FGGY: variants seen among roughly 807,000 people sequenced by gnomAD.
FGGY encodes the protein FGGY carbohydrate kinase domain-containing protein.
Under a neutral mutation model 71.3 loss-of-function variants are expected in FGGY, and 72 were observed. The ratio of observed to expected loss-of-function variants is 1.01; its 90% CI spans 0.84 to 1.23. FGGY has a LOEUF of 1.23. Among genes scored for constraint, FGGY ranks in the 50% most tolerant of loss-of-function variants. FGGY has a pLI of 0.00. For synonymous variants in FGGY, 251 were observed against 250.3 expected (o/e 1.00, Z -0.02); for missense variants, 668 against 682.3 (o/e 0.98, Z 0.23).
chr1:59,478,582 A>G (rs1206840512), intron 6 of FGGY, among the ~76,000 whole-genome samples: 2 of 152,252 alleles, frequency 1.3e-5, no homozygotes, highest in African/African-American at 2.4e-5. Context: ...TACAGATACA[A>G]TATGTTTCAG....
At chr1:59,462,325 T>C (rs886544755) in intron 6 of FGGY, among the ~76,000 whole-genome samples, 3 of 152,176 alleles carry the variant, frequency 2.0e-5, no homozygotes, top group African/African-American at 7.2e-5. Flanking sequence ...GATTAAAGAC[T>C]TAACCGTTAG....
intron 5 of FGGY, among the ~76,000 whole-genome samples, chr1:59,410,645 T>A (rs2063477103): frequency 6.6e-6 from 1 of 152,128 alleles, no homozygotes; most frequent in Non-Finnish European, 1.5e-5. Flanking sequence ...TCTGGTTACA[T>A]GAAAGAGGAA....
chr1:59,557,355 A>G (rs1484005877), intron 8 of FGGY, among the ~76,000 whole-genome samples: 1 of 152,206 alleles, frequency 6.6e-6, no homozygotes, highest in Non-Finnish European at 1.5e-5. Context: ...CAAAATTCCC[A>G]GGAACGTTTT....
chr1:59,520,975 T>C (rs2094811464), intron 7 of FGGY, among the ~76,000 whole-genome samples: 1 of 147,612 alleles, frequency 6.8e-6, no homozygotes, highest in African/African-American at 2.5e-5. Context: ...AGGAGGGAGC[T>C]TGTCCAAAAT....
At chr1:59,608,844 A>T (rs1347030441) in intron 9 of FGGY, among the ~76,000 whole-genome samples, 2 of 152,214 alleles carry the variant, frequency 1.3e-5, no homozygotes, top group East Asian at 1.9e-4. Context: ...TCTTAAAAAA[A>T]AACCCCACAA....
chr1:59,487,302 T>C (rs1341337466), intron 6 of FGGY, among the ~76,000 whole-genome samples: 1 of 152,220 alleles, frequency 6.6e-6, no homozygotes, highest in East Asian at 1.9e-4. Flanking sequence ...CTATGTACAG[T>C]TGACTGTGTG....
chr1:59,631,828 G>T (rs868026668), intron 10 of FGGY, among the ~76,000 whole-genome samples: 4 of 152,146 alleles, frequency 2.6e-5, no homozygotes, highest in Non-Finnish European at 4.4e-5. Context: ...CATGTAACTG[G>T]TAACCAAAGT....
intron 11 of FGGY, among the ~76,000 whole-genome samples, chr1:59,659,834 C>G (rs1011794913): frequency 2.6e-5 from 4 of 152,178 alleles, no homozygotes; most frequent in Non-Finnish European, 5.9e-5. Context: ...GAACTCAAAA[C>G]AAGATCATCT....
chr1:59,665,965 G>T (rs897749172), intron 12 of FGGY, among the ~76,000 whole-genome samples: 12 of 152,072 alleles, frequency 7.9e-5, no homozygotes, highest in African/African-American at 2.4e-5. Flanking sequence ...GAGCCACCGC[G>T]CCCGGCCCAA....
At chr1:59,350,714 A>G (rs2053110490) in intron 4 of FGGY, among the ~76,000 whole-genome samples, 1 of 152,148 alleles carries the variant, frequency 6.6e-6, no homozygotes, top group Non-Finnish European at 1.5e-5. Context: ...AGGGTGAGAA[A>G]ATGTGTGTGG....
intron 9 of FGGY, among the ~76,000 whole-genome samples, chr1:59,615,200 T>G (rs976680534): frequency 6.6e-6 from 1 of 152,204 alleles, no homozygotes; most frequent in Non-Finnish European, 1.5e-5. Flanking sequence ...AAGTCAATCC[T>G]AAGCCAAAAG....
At chr1:59,402,871 T>G (rs2062157387) in intron 5 of FGGY, among the ~76,000 whole-genome samples, 1 of 152,148 alleles carries the variant, frequency 6.6e-6, no homozygotes, top group Non-Finnish European at 1.5e-5. Flanking sequence ...TTAGTAGAGC[T>G]CTGGAGTACC....
At chr1:59,757,751 G>A (rs1332290804) in intron 14 of FGGY, among the ~76,000 whole-genome samples, 180 bp from the exon 15 acceptor site, 2 of 152,052 alleles carry the variant, frequency 1.3e-5, no homozygotes, top group Non-Finnish European at 2.9e-5. Flanking sequence ...TGTTCACTGT[G>A]TTTTATTCCT....
chr1:59,541,549 A>G (rs1397249025), intron 7 of FGGY, among the ~76,000 whole-genome samples: 1 of 152,200 alleles, frequency 6.6e-6, no homozygotes, highest in African/African-American at 2.4e-5. Context: ...ACTCACAAGA[A>G]AACAGAACTG....
At chr1:59,351,887 G>A (rs2153224499) in intron 4 of FGGY, among the ~76,000 whole-genome samples, 2 of 151,672 alleles carry the variant, frequency 1.3e-5, no homozygotes, top group Middle Eastern at 6.8e-3. Flanking sequence ...GAGGAAGTTG[G>A]GCAGAATTTG....
intron 3 of FGGY, among the ~76,000 whole-genome samples, chr1:59,343,659 A>G (rs1309232418): frequency 6.6e-6 from 1 of 152,196 alleles, no homozygotes; most frequent in African/African-American, 2.4e-5. Flanking sequence ...GGCATGTAGT[A>G]GATGCTCAAT....
intron 6 of FGGY, among the ~76,000 whole-genome samples, chr1:59,501,078 G>C (rs964803968): frequency 1.3e-5 from 2 of 152,184 alleles, no homozygotes; most frequent in African/African-American, 4.8e-5. Context: ...GTTGCTGCTT[G>C]ACATCCTGTA....
intron 14 of FGGY, among the ~76,000 whole-genome samples, chr1:59,710,083 G>C (rs2097783599): frequency 6.6e-6 from 1 of 152,198 alleles, no homozygotes; most frequent in South Asian, 2.1e-4. Context: ...TGTGTGGTCA[G>C]CAGTGGGATG....
At chr1:59,580,132 A>G (rs2096163612) in intron 8 of FGGY, among the ~76,000 whole-genome samples, 1 of 152,108 alleles carries the variant, frequency 6.6e-6, no homozygotes, top group South Asian at 2.1e-4. Flanking sequence ...TAAAATAACA[A>G]CACTTGCCTT....
Sources: gnomAD v4.1 joint callset for allele counts (sites outside exome capture counted in the v4.1 genomes callset) on GRCh38, gnomAD v4.1.1 for gene constraint, MANE v1.5 for transcripts, NCBI Gene and HGNC (gene_info 2026-07-23, HGNC 2026-07-21) for gene names.